Variants in SYNE1 observed in about 807,000 individuals in gnomAD.
SYNE1 encodes the protein nesprin-1.
SYNE1 carries 616 observed loss-of-function variants against 1,111.0 expected under a neutral mutation model. The ratio of observed to expected loss-of-function variants is 0.55; its 90% CI spans 0.52 to 0.59. SYNE1 has a LOEUF of 0.59. Among genes scored for constraint, SYNE1 ranks in the 20% least tolerant of loss-of-function variants. The pLI is 0.00. For synonymous variants in SYNE1, 3,855 were observed against 3,825.8 expected (o/e 1.01, Z -0.28); for missense variants, 10,006 against 10,417.0 (o/e 0.96, Z 1.72).
At chr6:152,527,828 C>T (rs998823009) in intron 4 of SYNE1, among the ~76,000 whole-genome samples, 5 of 152,180 alleles carry the variant, frequency 3.3e-5, no homozygotes, top group Admixed American at 2.0e-4. Flanking sequence ...TCATCTGTTT[C>T]GATTTTAAAA....
chr6:152,367,019 T>G (rs1222484686), intron 62 of SYNE1, 199 bp downstream of exon 62: 1 of 731,584 alleles, frequency 1.4e-6, no homozygotes, highest in South Asian at 1.5e-5. Context: ...TTTATTTTAT[T>G]TTTTGGAAAA....
In SYNE1 at chr6:152,525,986, C is replaced by T. The variant is rs560949660; in HGVS notation, c.225+94G>A. The T allele has an allele frequency of 2.7e-4, 304 of 1,139,512 alleles. 2 individuals carry two copies. The East Asian group carries it at 7.2e-3, about 27-fold the overall frequency. 70.6% of individuals were successfully genotyped at this position (1,139,512 alleles called of 1,614,324 possible). ...AACCACGACAAATAACTTTCTTTTACCTGGGCAGCACATCTTAGCACTCTC... is the reference window on the plus strand; with the variant it reads ...AACCACGACAAATAACTTTCTTTTATCTGGGCAGCACATCTTAGCACTCTC... On this transcript the variant is annotated intron_variant, in intron 5 of 145. Transcript: ENST00000367255.
intron 130 of SYNE1, among the ~76,000 whole-genome samples, chr6:152,171,599 A>G (rs2065219558): frequency 6.6e-6 from 1 of 152,192 alleles, no homozygotes; most frequent in Admixed American, 6.5e-5. Flanking sequence ...GGAAGAACCA[A>G]TCAGGAGCTG....
intron 138 of SYNE1, 142 bp from the exon 139 acceptor site, chr6:152,141,471 A>G: frequency 8.8e-7 from 1 of 1,133,380 alleles, no homozygotes; most frequent in Non-Finnish European, 1.3e-6. Flanking sequence ...AAATAAGCCA[A>G]GATGGCCGAG....
At chr6:152,465,208 C>T in intron 18 of SYNE1, 50 bp downstream of exon 18, 1 of 1,586,718 alleles carries the variant, frequency 6.3e-7, no homozygotes, top group Non-Finnish European at 8.6e-7. Context: ...AAAAGTCTCT[C>T]ATTTTTACAT....
At chr6:152,266,249 A>C (rs1396975362) in intron 100 of SYNE1, among the ~76,000 whole-genome samples, 1 of 152,178 alleles carries the variant, frequency 6.6e-6, no homozygotes, top group Admixed American at 6.5e-5. Flanking sequence ...CCAAAGCTAA[A>C]GGCCAAGGAA....
chr6:152,569,626 C>T (rs1460163177), intron 3 of SYNE1, among the ~76,000 whole-genome samples: 1 of 151,946 alleles, frequency 6.6e-6, no homozygotes, highest in Non-Finnish European at 1.5e-5. Flanking sequence ...GGGTCATAAG[C>T]AGCTTTAGGG....
At position 152,368,911 on chromosome 6, in the gene SYNE1, CT is replaced by C; in HGVS notation, c.9807+60del. The stretch of plus-strand genomic sequence containing the variant: ...TGCAATGCACACCCTGCAGAACCTG[CT>C]GCAACTCCAATTTTGCGACATCAGT... On this transcript the variant is annotated intron_variant, in intron 61 of 145. Transcript: ENST00000367255. 1.9e-6 allele frequency: 3 copies of C among 1,611,358 alleles called. 1 individual carries two copies. In the Middle Eastern group the frequency reaches 5.0e-4, roughly 267 times the overall value.
intron 77 of SYNE1, 92 bp from the exon 78 acceptor site, chr6:152,331,982 T>C (rs894825728): frequency 1.0e-5 from 16 of 1,567,558 alleles, no homozygotes; most frequent in Non-Finnish European, 1.3e-5. Context: ...CACCATTTTC[T>C]TTTTGGAGAC....
In SYNE1 at chr6:152,301,892, A is replaced by C. The variant is rs1014063946; in HGVS notation, c.17518T>G (p.Ser5840Ala). The C allele has an allele frequency of 4.3e-6, 7 of 1,613,728 alleles. No individual in the cohort carries two copies. Among genetic ancestry groups the C allele is most frequent in the Non-Finnish European group, 5.9e-6 (7 of 1,179,694 alleles). Residue 5840 changes from serine (S) to alanine (A), a missense_variant, in exon 92 of 146, where the codon TCG becomes GCG. Physicochemically the swap from Ser to Ala is moderately conservative, Grantham distance 99 (BLOSUM62 1). Around this residue, in one of 7 missense-constraint regions of SYNE1, gnomAD observed 4,955 missense variants for 5,017.2 expected, o/e 0.99. Coordinates refer to ENST00000367255, the MANE Select transcript of SYNE1 (RefSeq NM_182961.4). ...ACCATGACCACAGAGGGGTGGGCCGAAGGCGTGGGGAGGAGCTCCCCATCC... is the reference window on the plus strand; with the variant it reads ...ACCATGACCACAGAGGGGTGGGCCGCAGGCGTGGGGAGGAGCTCCCCATCC... ...DLDGELLPTP[S>A]AHPSVVMMTA...
chr6:152,448,482 A>G (rs2098613818), intron 28 of SYNE1, among the ~76,000 whole-genome samples: 1 of 152,198 alleles, frequency 6.6e-6, no homozygotes, highest in African/African-American at 2.4e-5. Context: ...AAATGTAGAT[A>G]TCCTTCCATA....
rs781056680 is a variant in SYNE1 at position 152,136,797 on chromosome 6, G to A, written c.25480C>T (p.His8494Tyr). The part of the protein sequence containing the change: ...KLKELQKAVD[H>Y]RKAIILSINL... ...ATGGAGAGGATGATGGCTTTGCGGTGGTCCACAGCTTTCTGGAGCTCCTGA... is the reference window on the plus strand; with the variant it reads ...ATGGAGAGGATGATGGCTTTGCGGTAGTCCACAGCTTTCTGGAGCTCCTGA... Residue 8494 changes from histidine to tyrosine, a missense_variant, in exon 141 of 146, where the codon CAC (histidine) becomes TAC (tyrosine). Around this residue, in one of 7 missense-constraint regions of SYNE1, gnomAD observed 761 missense variants for 795.5 expected, o/e 0.96. Transcript: ENST00000367255. 1 of 1,614,150 alleles carries A rather than the reference G, an allele frequency of 6.2e-7. No homozygotes were observed. Among genetic ancestry groups the A allele is most frequent in the East Asian group, 2.2e-5 (1 of 44,874 alleles).
chr6:152,236,349 T>C (rs1435269076), intron 109 of SYNE1, 46 bp from the exon 110 acceptor site: 2 of 1,432,660 alleles, frequency 1.4e-6, no homozygotes, highest in Non-Finnish European at 1.9e-6. Flanking sequence ...TATGCAATTT[T>C]TGTCTTTAAG....
rs559811773 is a variant in SYNE1 at position 152,135,188 on chromosome 6, G to A, written c.25704C>T (p.Asn8568=). 1.2e-6 allele frequency: 2 copies of A among 1,614,086 alleles called. No homozygotes were observed. The highest frequency in any genetic ancestry group is 1.3e-5 in the African/African-American group (1 of 75,054). The change falls in exon 142 of 146, where the codon AAC becomes AAT. Residue 8568 remains asparagine, a synonymous_variant. Transcript: ENST00000367255. Reference sequence around the variant, plus strand: ...CAATTTCATTTTTCCTTCTGTCAATGTTCTCCAGCATAAGAAGCAAACCAT... The same window carrying A: ...CAATTTCATTTTTCCTTCTGTCAATATTCTCCAGCATAAGAAGCAAACCAT... ...MSHGLLLMLE[N]IDRRKNEIVP...
intron 122 of SYNE1, among the ~76,000 whole-genome samples, chr6:152,214,223 TTGAAA>T (rs1196427732): frequency 6.6e-6 from 1 of 150,746 alleles, no homozygotes; most frequent in South Asian, 2.1e-4. Flanking sequence ...AGAAAGAAAG[TTGAAA>T]AAATGTAGAA....
intron 105 of SYNE1, 61 bp from the exon 106 acceptor site, chr6:152,244,717 T>A: frequency 1.2e-6 from 2 of 1,604,582 alleles, no homozygotes; most frequent in Non-Finnish European, 1.7e-6. Flanking sequence ...ACGGAAGATG[T>A]GATTATTGTA....
intron 28 of SYNE1, 62 bp downstream of exon 28, chr6:152,449,471 C>A: frequency 2.5e-6 from 3 of 1,221,290 alleles, no homozygotes; most frequent in African/African-American, 3.0e-5. Flanking sequence ...CCGTTAGATT[C>A]TCTAACATTA....
At chr6:152,180,348 C>T in intron 128 of SYNE1, 54 bp from the exon 129 acceptor site, 3 of 1,551,198 alleles carry the variant, frequency 1.9e-6, no homozygotes, top group Admixed American at 1.7e-5. Flanking sequence ...GAGAAGACCA[C>T]ACTCCAAGGA....
chr6:152,254,831 C>T, intron 104 of SYNE1, 49 bp downstream of exon 104: 1 of 1,529,790 alleles, frequency 6.5e-7, no homozygotes, highest in Non-Finnish European at 9.0e-7. Context: ...CTGACTATTA[C>T]TGAATACCTA....
Sources: gnomAD v4.1 joint callset for allele counts (sites outside exome capture counted in the v4.1 genomes callset) on GRCh38, gnomAD v4.1.1 for gene constraint, gnomAD v4.1.1 regional missense constraint, MANE v1.5 for transcripts, NCBI Gene and HGNC (gene_info 2026-07-23, HGNC 2026-07-21) for gene names.